Variants in RBBP5 observed in about 807,000 individuals in gnomAD.
RBBP5 encodes the protein RB binding protein 5, histone lysine methyltransferase complex subunit, also known as retinoblastoma-binding protein 5.
A neutral mutation model predicts 72.2 loss-of-function variants in RBBP5; 5 were observed. The observed-to-expected ratio is 0.07, with a 90% CI of 0.04 to 0.15. The LOEUF (loss-of-function observed/expected upper bound fraction) is 0.15, where lower values mean the gene tolerates loss of function less well. Among genes scored for constraint, RBBP5 ranks in the 10% least tolerant of loss-of-function variants. RBBP5 has a pLI of 1.00. For missense variants in RBBP5, 322 were observed against 652.2 expected (o/e 0.49, Z 5.51); for synonymous variants, 209 against 237.2 (o/e 0.88, Z 1.09).
At chr1:205,104,339 A>G (rs986107264) in intron 4 of RBBP5, among the ~76,000 whole-genome samples, 11 of 151,454 alleles carry the variant, frequency 7.3e-5, no homozygotes, top group African/African-American at 2.7e-4. Flanking sequence ...CCTGGCCAAC[A>G]TGGTGAAACC....
intron 13 of RBBP5, among the ~76,000 whole-genome samples, chr1:205,093,130 T>G (rs1362920828): frequency 6.6e-6 from 1 of 152,002 alleles, no homozygotes; most frequent in Non-Finnish European, 1.5e-5. Flanking sequence ...CAATCTTTGT[T>G]GGCAATGCCC....
At chr1:205,090,278 T>TA (rs1383263417) in intron 13 of RBBP5, among the ~76,000 whole-genome samples, 2 of 152,220 alleles carry the variant, frequency 1.3e-5, no homozygotes, top group African/African-American at 4.8e-5. Flanking sequence ...AATTTAGTGG[T>TA]AATCATCTAA....
intron 6 of RBBP5, 125 bp downstream of exon 6, chr1:205,101,475 A>T (rs1374233571): frequency 3.2e-6 from 2 of 618,396 alleles, no homozygotes; most frequent in African/African-American, 3.8e-5. Context: ...GTAAGTTTCT[A>T]AAAACCTTAA....
intron 1 of RBBP5, 176 bp from the exon 2 acceptor site, chr1:205,116,059 C>G (rs1184912765): frequency 3.0e-6 from 4 of 1,316,416 alleles, no homozygotes; most frequent in Non-Finnish European, 4.2e-6. Context: ...CTTGTTTACT[C>G]TCATTATCTC....
chr1:205,118,430 T>C (rs1437232201), intron 1 of RBBP5, among the ~76,000 whole-genome samples: 1 of 151,606 alleles, frequency 6.6e-6, no homozygotes, highest in Non-Finnish European at 1.5e-5. Context: ...GCCAACATGG[T>C]GAAACCCTGT....
At position 205,093,558 on chromosome 1, in the gene RBBP5, A is replaced by ACACACACACACACG. The variant is rs1474687926; in HGVS notation, c.1588+1314_1588+1315insCGTGTGTGTGTGTG. Among the ~76,000 whole-genome samples, 143 of 115,950 alleles carry ACACACACACACACG rather than the reference A, an allele frequency of 1.2e-3. 12 individuals carry two copies. The highest frequency in any genetic ancestry group is 4.6e-3 in the African/African-American group (121 of 26,264). The allele number at this position is 115,950 out of a possible 152,430, so 76.1% of individuals were successfully genotyped here. A position where few individuals can be genotyped will look rare whatever the true frequency, so the allele number is the denominator to read the frequency against. ...TACACACACACACACACACACACACACACACACACACAGCATTATATGTAT... is the reference window on the plus strand; with the variant it reads ...TACACACACACACACACACACACACACACACACACACACGCACACACACACAGCATTATATGTAT... On this transcript the variant is annotated intron_variant, in intron 13 of 13. Coordinates refer to ENST00000264515, the MANE Select transcript of RBBP5 (RefSeq NM_005057.4).
intron 11 of RBBP5, 92 bp downstream of exon 11, chr1:205,097,234 G>A: frequency 8.2e-7 from 1 of 1,223,248 alleles, no homozygotes; most frequent in East Asian, 2.5e-5. Context: ...AAGCAGACGG[G>A]AATGAAGGGA....
At position 205,114,956 on chromosome 1, in the gene RBBP5, A is replaced by G. The variant is rs1430310875; in HGVS notation, c.51T>C (p.Ala17=). ...TGCTGATACAATCCAAAGTTCCATC[A>G]GCTTCCTAAAAATTGAAACAAATAC... The part of the protein sequence containing the change: ...ESFGQNYPEE[A]DGTLDCISMA... The change falls in exon 3 of 14, where the codon GCT becomes GCC. Residue 17 remains alanine (A), a synonymous_variant. Coordinates refer to ENST00000264515, the MANE Select transcript of RBBP5 (RefSeq NM_005057.4). The G allele has an allele frequency of 6.2e-5, 99 of 1,587,390 alleles. No homozygotes were observed. Among genetic ancestry groups the G allele is most frequent in the Non-Finnish European group, 8.5e-5 (99 of 1,164,370 alleles).
chr1:205,097,468 T>G, intron 10 of RBBP5, 73 bp from the exon 11 acceptor site: 5 of 1,393,048 alleles, frequency 3.6e-6, no homozygotes, highest in Non-Finnish European at 5.0e-6. Flanking sequence ...TTCAAGGTTT[T>G]CATAAGTTGA....
chr1:205,116,768 C>T (rs1440642408), intron 1 of RBBP5, among the ~76,000 whole-genome samples: 3 of 152,092 alleles, frequency 2.0e-5, no homozygotes, highest in African/African-American at 7.2e-5. Flanking sequence ...GAGCTGAGAT[C>T]GTGCCACTGC....
At chr1:205,103,289 G>A (rs1328341102) in intron 5 of RBBP5, among the ~76,000 whole-genome samples, 2 of 149,996 alleles carry the variant, frequency 1.3e-5, no homozygotes, top group African/African-American at 4.9e-5. Flanking sequence ...ACTAACCCAT[G>A]TGCCACAGTC....
intron 10 of RBBP5, among the ~76,000 whole-genome samples, chr1:205,098,099 A>G (rs1655686427): frequency 6.6e-6 from 1 of 152,234 alleles, no homozygotes; most frequent in Non-Finnish European, 1.5e-5. Flanking sequence ...AGTCATAATC[A>G]TAATGGAAAT....
intron 13 of RBBP5, among the ~76,000 whole-genome samples, chr1:205,090,304 T>C (rs1655293029): frequency 6.6e-6 from 1 of 152,242 alleles, no homozygotes; most frequent in African/African-American, 2.4e-5. Flanking sequence ...AATACAACAT[T>C]GCCATTTTAA....
At position 205,121,905 on chromosome 1, in the gene RBBP5, C is replaced by T. The variant is rs751322700; in HGVS notation, c.-32G>A. ...GGACTGTGGCCGCCCGGTCTCAGCT[C>T]CGGCAACAACACCTTCTCCCCGGCC... On this transcript the variant is annotated 5_prime_UTR_variant, in exon 1 of 14. Coordinates refer to ENST00000264515, the MANE Select transcript of RBBP5 (RefSeq NM_005057.4). 6.2e-7 allele frequency: 1 copy of T among 1,608,668 alleles called. No homozygotes were observed. The highest frequency in any genetic ancestry group is 2.2e-5 in the East Asian group (1 of 44,866).
chr1:205,118,601 G>A (rs971504118), intron 1 of RBBP5, among the ~76,000 whole-genome samples: 2 of 151,848 alleles, frequency 1.3e-5, no homozygotes, highest in African/African-American at 2.4e-5. Context: ...CAGCCTGGGC[G>A]ACAGAAGCAA....
chr1:205,104,350 C>T (rs1193923358), intron 4 of RBBP5, among the ~76,000 whole-genome samples: 1 of 150,472 alleles, frequency 6.6e-6, no homozygotes, highest in Non-Finnish European at 1.5e-5. Context: ...TGGTGAAACC[C>T]CATCTCTACT....
At chr1:205,089,516 G>T (rs1197444078) in intron 13 of RBBP5, among the ~76,000 whole-genome samples, 1 of 152,182 alleles carries the variant, frequency 6.6e-6, no homozygotes, top group Non-Finnish European at 1.5e-5. Flanking sequence ...ATCCTCCCAG[G>T]TGTCATTTGG....
intron 3 of RBBP5, among the ~76,000 whole-genome samples, chr1:205,109,384 ACAG>A (rs1475697032): frequency 1.3e-5 from 2 of 152,108 alleles, no homozygotes; most frequent in Non-Finnish European, 2.9e-5. Flanking sequence ...ATGAAGCTAA[ACAG>A]CAGAAGAAAT....
intron 5 of RBBP5, among the ~76,000 whole-genome samples, chr1:205,102,647 T>C (rs763190491): frequency 1.3e-5 from 2 of 152,160 alleles, no homozygotes; most frequent in Non-Finnish European, 2.9e-5. Context: ...CAGTTAAATA[T>C]GGCTGAAATG....
Sources: allele counts gnomAD v4.1 joint callset (sites outside exome capture counted in the v4.1 genomes callset), GRCh38; gene constraint gnomAD v4.1.1; transcripts MANE v1.5; gene names NCBI Gene and HGNC (gene_info 2026-07-23, HGNC 2026-07-21).